WWOX: variants seen among roughly 807,000 people sequenced by gnomAD.
WWOX encodes WW domain containing oxidoreductase.
In WWOX, 69 loss-of-function variants were observed where a neutral mutation model predicts 46.2. The observed-to-expected ratio is 1.49, with a 90% CI of 1.23 to 1.82. The LOEUF (loss-of-function observed/expected upper bound fraction) is 1.82, where lower values mean the gene tolerates loss of function less well. Ranked by LOEUF, WWOX falls within the 40% of genes most tolerant of loss-of-function variation. WWOX has a pLI of 0.00. For synonymous variants in WWOX, 359 were observed against 202.6 expected (o/e 1.77, Z -6.56); for missense variants, 919 against 542.6 (o/e 1.69, Z -6.89).
chr16:78,757,028 C>A (rs751671474), intron 8 of WWOX: 2 of 702,720 alleles, frequency 2.8e-6, no homozygotes, highest in Non-Finnish European at 2.6e-6. Flanking sequence ...GAGTGAACCA[C>A]GTTCGAAGTT....
intron 8 of WWOX, among the ~76,000 whole-genome samples, chr16:78,705,480 G>T (rs905236245): frequency 2.0e-5 from 3 of 152,182 alleles, no homozygotes; most frequent in Admixed American, 6.6e-5. Flanking sequence ...TCATCAGTTT[G>T]TCAGTTGTCA....
chr16:78,136,774 C>A (rs1287113136), intron 4 of WWOX, among the ~76,000 whole-genome samples: 1 of 152,144 alleles, frequency 6.6e-6, no homozygotes, highest in Non-Finnish European at 1.5e-5. Flanking sequence ...AAATGGAAGA[C>A]CAAAACATCA....
intron 8 of WWOX, among the ~76,000 whole-genome samples, chr16:79,014,889 G>T (rs1280264850): frequency 3.3e-5 from 5 of 152,152 alleles, no homozygotes; most frequent in Non-Finnish European, 1.5e-5. Context: ...CTGTTTCAAT[G>T]AGCATTTATT....
intron 8 of WWOX, among the ~76,000 whole-genome samples, chr16:78,576,973 G>A (rs746965280): frequency 2.0e-5 from 3 of 152,226 alleles, no homozygotes; most frequent in Non-Finnish European, 2.9e-5. Flanking sequence ...TTCACTCCAT[G>A]TAATTAGTTA....
At chr16:78,396,565 C>G (rs565647172) in intron 6 of WWOX, among the ~76,000 whole-genome samples, 3 of 152,288 alleles carry the variant, frequency 2.0e-5, no homozygotes, top group East Asian at 1.9e-4. Flanking sequence ...GTTGTCTTTT[C>G]CCACTCCTCA....
chr16:79,161,655 T>G (rs1455588506), intron 8 of WWOX, among the ~76,000 whole-genome samples: 1 of 152,132 alleles, frequency 6.6e-6, no homozygotes, highest in Non-Finnish European at 1.5e-5. Flanking sequence ...CCCGAGTAGC[T>G]GGGATTACAC....
At chr16:78,171,490 A>T (rs554525469) in intron 5 of WWOX, among the ~76,000 whole-genome samples, 1 of 152,034 alleles carries the variant, frequency 6.6e-6, no homozygotes, top group African/African-American at 2.4e-5. Flanking sequence ...GGCATGTGGT[A>T]TGTGGGGCGG....
At chr16:79,190,511 C>G (rs143525077) in intron 8 of WWOX, among the ~76,000 whole-genome samples, 2 of 152,302 alleles carry the variant, frequency 1.3e-5, no homozygotes, top group Admixed American at 6.5e-5. Context: ...AGAGGCCTCA[C>G]ACCCTCTGGC....
At chr16:78,305,204 ATTT>A (rs983085454) in intron 5 of WWOX, among the ~76,000 whole-genome samples, 1 of 151,568 alleles carries the variant, frequency 6.6e-6, no homozygotes, top group Non-Finnish European at 1.5e-5. Context: ...CACCAACTGA[ATTT>A]TTTTTTCCTT....
intron 8 of WWOX, among the ~76,000 whole-genome samples, chr16:78,458,954 T>C (rs1177966688): frequency 6.6e-6 from 1 of 152,156 alleles, no homozygotes; most frequent in Non-Finnish European, 1.5e-5. Flanking sequence ...CAGCATTTAA[T>C]TTACTTCCGT....
chr16:79,063,018 C>G lies in WWOX; in HGVS notation c.1057-148590C>G, dbSNP rs1017222352. On this transcript the variant is annotated intron_variant, in intron 8 of 8. Coordinates refer to ENST00000566780, the MANE Select transcript of WWOX (RefSeq NM_016373.4). ...TTTTAGCAGGATTTTGGCAGGTACC[C>G]TGCTTGTTGAATGCAGCAAAGAAGA... Among the ~76,000 whole-genome samples the G allele has an allele frequency of 3.3e-5, 5 of 152,188 alleles. No individual in the cohort carries two copies. The East Asian group carries it at 7.7e-4, about 23-fold the overall frequency.
chr16:78,682,127 C>T lies in WWOX; in HGVS notation c.1056+249375C>T, dbSNP rs377644688. 5.3e-5 allele frequency among the ~76,000 whole-genome samples: 8 copies of T among 152,248 alleles called. No homozygotes were observed. The East Asian group carries it at 5.8e-4, about 11-fold the overall frequency. On this transcript the variant is annotated intron_variant, in intron 8 of 8. Coordinates refer to ENST00000566780, the MANE Select transcript of WWOX (RefSeq NM_016373.4). ...GACATTGTAGACACTCAGCAAATGG[C>T]CTTTGGTGTTACTGTTATTTTATTT...
At chr16:79,170,770 C>G (rs2050685257) in intron 8 of WWOX, among the ~76,000 whole-genome samples, 1 of 151,694 alleles carries the variant, frequency 6.6e-6, no homozygotes, top group Admixed American at 6.6e-5. Context: ...GTTACATTTA[C>G]AAGGAGGTAA....
chr16:78,933,172 C>T (rs2045661030), intron 8 of WWOX, among the ~76,000 whole-genome samples: 2 of 152,210 alleles, frequency 1.3e-5, no homozygotes, highest in Non-Finnish European at 2.9e-5. Context: ...GGCGTGGTGG[C>T]TCACGCCTGT....
intron 4 of WWOX, among the ~76,000 whole-genome samples, chr16:78,124,534 A>G (rs2033272577): frequency 6.6e-6 from 1 of 152,180 alleles, no homozygotes; most frequent in African/African-American, 2.4e-5. Flanking sequence ...GTCTTAAATT[A>G]AGGCACCAGT....
chr16:78,116,255 A>G (rs879866251), intron 4 of WWOX, among the ~76,000 whole-genome samples: 12 of 152,116 alleles, frequency 7.9e-5, no homozygotes, highest in Non-Finnish European at 1.3e-4. Context: ...CTTTCTTTCT[A>G]TCTTTTTTGT....
chr16:78,795,523 G>T (rs544877257), intron 8 of WWOX, among the ~76,000 whole-genome samples: 1 of 152,164 alleles, frequency 6.6e-6, no homozygotes, highest in Non-Finnish European at 1.5e-5. Context: ...TTAGTCCACT[G>T]CTGAGTCTTC....
intron 5 of WWOX, among the ~76,000 whole-genome samples, chr16:78,365,791 G>A (rs2081523838): frequency 6.6e-6 from 1 of 151,918 alleles, no homozygotes; most frequent in Non-Finnish European, 1.5e-5. Context: ...CCTCCTCTAT[G>A]GCTCCCCCCA....
chr16:79,159,875 G>A (rs1000695152), intron 8 of WWOX, among the ~76,000 whole-genome samples: 1 of 152,174 alleles, frequency 6.6e-6, no homozygotes, highest in Non-Finnish European at 1.5e-5. Flanking sequence ...TCAGCTTGGG[G>A]TGTATGCCGC....
Sources: gnomAD v4.1 joint callset for allele counts (sites outside exome capture counted in the v4.1 genomes callset) on GRCh38, gnomAD v4.1.1 for gene constraint, MANE v1.5 for transcripts, NCBI Gene and HGNC (gene_info 2026-07-23, HGNC 2026-07-21) for gene names.